CCR5AS: variants seen among roughly 807,000 people sequenced by gnomAD.
CCR5AS encodes CCR5 antisense RNA.
chr3:46,402,695 T>A (rs1286388706), intron 1 of CCR5AS, among the ~76,000 whole-genome samples: 1 of 152,234 alleles, frequency 6.6e-6, no homozygotes, highest in African/African-American at 2.4e-5. Flanking sequence ...TTTCTCTTTT[T>A]TTGAAATTTT....
chr3:46,405,239 T>C (rs1702034217), intron 1 of CCR5AS, among the ~76,000 whole-genome samples: 1 of 152,218 alleles, frequency 6.6e-6, no homozygotes, highest in Non-Finnish European at 1.5e-5. Flanking sequence ...GTCATGCTAA[T>C]ATTAGTAAGC....
rs547700349 is a variant in CCR5AS at position 46,405,178 on chromosome 3, T to C, written n.163+1719A>G. ...AAGGACCTCATGGCCTGAGTGTGGA[T>C]AGGCAGAATGCTGGGAATCAGGCAA... On this transcript the variant is annotated intron_variant and non_coding_transcript_variant, in intron 1 of 3. Coordinates refer to ENST00000451485, the Ensembl canonical transcript of CCR5AS. 9.8e-5 allele frequency among the ~76,000 whole-genome samples: 15 copies of C among 152,286 alleles called. No homozygotes were observed. The South Asian group carries it at 2.9e-3, about 29-fold the overall frequency.
chr3:46,396,988 T>A (rs532669899), intron 1 of CCR5AS, among the ~76,000 whole-genome samples: 1 of 152,306 alleles, frequency 6.6e-6, no homozygotes, highest in South Asian at 2.1e-4. Flanking sequence ...ATTCTATCAC[T>A]CTCTCTTTTC....
At chr3:46,373,621 T>A (rs199780106) in intron 2 of CCR5AS, 9 of 1,614,084 alleles carry the variant, frequency 5.6e-6, no homozygotes, top group Non-Finnish European at 7.6e-6. Flanking sequence ...ATCTTCACCA[T>A]CATGATTGTT....
intron 2 of CCR5AS, chr3:46,373,023 T>C: frequency 6.2e-7 from 1 of 1,614,092 alleles, no homozygotes; most frequent in East Asian, 2.2e-5. Flanking sequence ...CTCACTGGTG[T>C]TCATCTTTGG....
chr3:46,375,116 G>T (rs1016681353), intron 2 of CCR5AS: 3 of 167,036 alleles, frequency 1.8e-5, no homozygotes, highest in Admixed American at 6.5e-5. Context: ...GGTGTAAAAG[G>T]ATGGGTCTGG....
chr3:46,366,476 G>A (rs1419061592), intron 3 of CCR5AS, among the ~76,000 whole-genome samples: 1 of 152,194 alleles, frequency 6.6e-6, no homozygotes, highest in Non-Finnish European at 1.5e-5. Flanking sequence ...TCCCCTAAAT[G>A]CATAGAGAAG....
chr3:46,371,764 G>A (rs1327445779), intron 2 of CCR5AS, among the ~76,000 whole-genome samples: 1 of 135,342 alleles, frequency 7.4e-6, no homozygotes, highest in Admixed American at 7.8e-5. Context: ...TCTTAATTGT[G>A]GCAACTCAGA....
intron 1 of CCR5AS, among the ~76,000 whole-genome samples, chr3:46,402,506 A>G (rs1405060524): frequency 6.6e-6 from 1 of 152,226 alleles, no homozygotes; most frequent in Admixed American, 6.5e-5. Flanking sequence ...TATAATGGCT[A>G]TTATGTGAGA....
At chr3:46,377,897 G>C (rs1701778381) in intron 2 of CCR5AS, among the ~76,000 whole-genome samples, 1 of 152,112 alleles carries the variant, frequency 6.6e-6, no homozygotes, top group African/African-American at 2.4e-5. Flanking sequence ...AGTAGAGACA[G>C]GGTTTCACCG....
intron 2 of CCR5AS, among the ~76,000 whole-genome samples, chr3:46,391,375 C>T (rs182257166): frequency 7.2e-5 from 11 of 152,184 alleles, no homozygotes; most frequent in Admixed American, 3.3e-4. Flanking sequence ...CACCTTAAGG[C>T]GAGGGTAATT....
intron 2 of CCR5AS, chr3:46,372,634 A>G (rs1289007778): frequency 9.3e-6 from 3 of 321,458 alleles, no homozygotes; most frequent in Admixed American, 4.5e-5. Context: ...ATAGAGCACA[A>G]GATTTTATTT....
At chr3:46,403,777 A>G (rs1222628491) in intron 1 of CCR5AS, among the ~76,000 whole-genome samples, 2 of 152,232 alleles carry the variant, frequency 1.3e-5, no homozygotes, top group African/African-American at 2.4e-5. Flanking sequence ...AAAATTTACT[A>G]GGAAGCTACC....
At chr3:46,380,399 T>C (rs1294802073) in intron 2 of CCR5AS, among the ~76,000 whole-genome samples, 2 of 152,232 alleles carry the variant, frequency 1.3e-5, no homozygotes, top group East Asian at 3.8e-4. Flanking sequence ...AAAATAATTG[T>C]AACTTATTCC....
At chr3:46,365,968 C>T (rs934289677) in intron 3 of CCR5AS, among the ~76,000 whole-genome samples, 5 of 152,354 alleles carry the variant, frequency 3.3e-5, no homozygotes, top group African/African-American at 1.2e-4. Flanking sequence ...CCCATGCTGG[C>T]CTCTCCTTTT....
intron 3 of CCR5AS, among the ~76,000 whole-genome samples, chr3:46,366,810 G>A (rs1317932719): frequency 1.3e-5 from 2 of 152,210 alleles, no homozygotes; most frequent in African/African-American, 4.8e-5. Flanking sequence ...GGCACTGGAT[G>A]GGGGTAGATT....
At chr3:46,400,182 G>A (rs1701994981) in intron 1 of CCR5AS, among the ~76,000 whole-genome samples, 1 of 152,038 alleles carries the variant, frequency 6.6e-6, no homozygotes, top group Non-Finnish European at 1.5e-5. Flanking sequence ...GTAGAGACAG[G>A]GTCTCGCCAT....
At chr3:46,379,845 T>G (rs902247209) in intron 2 of CCR5AS, among the ~76,000 whole-genome samples, 2 of 151,918 alleles carry the variant, frequency 1.3e-5, no homozygotes, top group African/African-American at 2.4e-5. Flanking sequence ...TGCAGTGAGC[T>G]GACATCTAGC....
At chr3:46,365,813 C>T (rs1701593401) in intron 3 of CCR5AS, among the ~76,000 whole-genome samples, 1 of 152,186 alleles carries the variant, frequency 6.6e-6, no homozygotes, top group Non-Finnish European at 1.5e-5. Context: ...CAGTTCCTGC[C>T]CAGTTCCCTC....
Sources: gnomAD v4.1 joint callset for allele counts (sites outside exome capture counted in the v4.1 genomes callset) on GRCh38, gnomAD v4.1.1 for gene constraint, MANE v1.5 for transcripts, NCBI Gene and HGNC (gene_info 2026-07-23, HGNC 2026-07-21) for gene names.